The following TSHZ2 variants were observed in gnomAD, a reference collection of about 807,000 sequenced individuals.
TSHZ2 encodes the protein teashirt zinc finger homeobox 2, also known as teashirt homolog 2.
Under a neutral mutation model 74.4 loss-of-function variants are expected in TSHZ2, and 21 were observed. The ratio of observed to expected loss-of-function variants is 0.28; its 90% CI spans 0.20 to 0.41. TSHZ2 has a LOEUF of 0.41. Ranked by LOEUF, TSHZ2 falls within the 10% of genes least tolerant of loss-of-function variation. TSHZ2 has a pLI of 1.00. For synonymous variants in TSHZ2, 540 were observed against 515.3 expected, an observed-to-expected ratio of 1.05 and a Z score of -0.65; for missense variants, 1,244 against 1,293.5, an observed-to-expected ratio of 0.96 and a Z score of 0.59.
At chr20:53,269,918 C>G (rs769052311) in intron 2 of TSHZ2, among the ~76,000 whole-genome samples, 2 of 152,082 alleles carry the variant, frequency 1.3e-5, no homozygotes, top group African/African-American at 4.8e-5. Flanking sequence ...GTGAAAGGAA[C>G]CTCTTCTTTT....
In TSHZ2 at chr20:53,192,782, A is replaced by T. The variant is rs188749450; in HGVS notation, c.41-60717A>T. On this transcript the variant is annotated intron_variant, in intron 1 of 2. Transcript: ENST00000371497. The stretch of plus-strand genomic sequence containing the variant: ...AGAAAACCTGGGTCTTTCTCCTACA[A>T]CTTGAGCTCACATCTCCTGATTTTC... Among the ~76,000 whole-genome samples, 7 of 152,256 alleles carry T rather than the reference A, an allele frequency of 4.6e-5. 1 individual carries two copies. Among genetic ancestry groups the T allele is most frequent in the Admixed American group, 3.3e-4 (5 of 15,300 alleles).
At chr20:53,190,423 G>C (rs1318165417) in intron 1 of TSHZ2, among the ~76,000 whole-genome samples, 1 of 151,796 alleles carries the variant, frequency 6.6e-6, no homozygotes, top group Non-Finnish European at 1.5e-5. Flanking sequence ...CCCTCTAGTG[G>C]TTCTAATGAT....
chr20:53,265,884 C>A (rs1990705481), intron 2 of TSHZ2, among the ~76,000 whole-genome samples: 1 of 152,200 alleles, frequency 6.6e-6, no homozygotes, highest in African/African-American at 2.4e-5. Context: ...TTTTCCCTTC[C>A]TCCCTCCCTC....
chr20:53,350,510 A>G (rs1980607791), intron 2 of TSHZ2, among the ~76,000 whole-genome samples: 1 of 152,208 alleles, frequency 6.6e-6, no homozygotes, highest in Non-Finnish European at 1.5e-5. Flanking sequence ...CACATGTCAC[A>G]TGAGAGAATA....
intron 1 of TSHZ2, among the ~76,000 whole-genome samples, chr20:53,041,860 G>C (rs1449893657): frequency 6.6e-6 from 1 of 152,206 alleles, no homozygotes; most frequent in Non-Finnish European, 1.5e-5. Flanking sequence ...ACTGCCTAAA[G>C]CAGCCCTACT....
chr20:53,112,469 A>G (rs1986560407), intron 1 of TSHZ2, among the ~76,000 whole-genome samples: 2 of 152,022 alleles, frequency 1.3e-5, no homozygotes, highest in African/African-American at 4.8e-5. Context: ...CTTCCTTCCA[A>G]TTACTCTCAG....
At chr20:53,095,571 T>C (rs1457217393) in intron 1 of TSHZ2, among the ~76,000 whole-genome samples, 1 of 152,220 alleles carries the variant, frequency 6.6e-6, no homozygotes, top group Admixed American at 6.5e-5. Flanking sequence ...AATAAATTTC[T>C]GTTACATAAA....
chr20:53,017,413 G>A (rs1301290548), intron 1 of TSHZ2, among the ~76,000 whole-genome samples: 1 of 152,154 alleles, frequency 6.6e-6, no homozygotes, highest in Non-Finnish European at 1.5e-5. Flanking sequence ...TTCACAACAT[G>A]ATTTTACATA....
At chr20:53,127,044 AAAAG>A (rs753039068) in intron 1 of TSHZ2, among the ~76,000 whole-genome samples, 18 of 152,186 alleles carry the variant, frequency 1.2e-4, no homozygotes, top group Non-Finnish European at 1.5e-4. Flanking sequence ...GAGGAAGAGA[AAAAG>A]AAAGAGGGAG....
intron 1 of TSHZ2, among the ~76,000 whole-genome samples, chr20:52,997,826 A>G (rs1422282713): frequency 6.6e-6 from 1 of 152,202 alleles, no homozygotes; most frequent in Non-Finnish European, 1.5e-5. Context: ...CATAAAATCC[A>G]GAGGAATCCT....
At chr20:53,033,253 A>G (rs1349190947) in intron 1 of TSHZ2, among the ~76,000 whole-genome samples, 1 of 152,248 alleles carries the variant, frequency 6.6e-6, no homozygotes, top group South Asian at 2.1e-4. Context: ...AGTTACTAGT[A>G]TGTGGAACCG....
intron 1 of TSHZ2, among the ~76,000 whole-genome samples, chr20:53,139,505 A>G (rs1209670710): frequency 6.6e-6 from 1 of 152,212 alleles, no homozygotes; most frequent in African/African-American, 2.4e-5. Flanking sequence ...ACCAGCTGCC[A>G]GCCTGGAGTA....
chr20:53,440,398 A>C (rs1480895070), intron 2 of TSHZ2, among the ~76,000 whole-genome samples: 1 of 152,164 alleles, frequency 6.6e-6, no homozygotes, highest in Non-Finnish European at 1.5e-5. Context: ...TGGAATTGTC[A>C]CCCATTTCTG....
chr20:53,263,613 C>G (rs1990647920), intron 2 of TSHZ2, among the ~76,000 whole-genome samples: 1 of 152,096 alleles, frequency 6.6e-6, no homozygotes, highest in Non-Finnish European at 1.5e-5. Flanking sequence ...TGTTTTTGTT[C>G]TGAACACCCT....
chr20:53,050,130 TATATATATGTGTATATATATATACAC>T lies in TSHZ2; in HGVS notation c.40+76808_40+76833del, dbSNP rs1568736310. Among the ~76,000 whole-genome samples the T allele has an allele frequency of 1.5e-3, 131 of 88,058 alleles. 1 individual carries two copies. The highest frequency in any genetic ancestry group is 6.3e-3 in the South Asian group (15 of 2,368). 57.8% of individuals were successfully genotyped at this position (88,058 alleles called of 152,430 possible). A position where few individuals can be genotyped will look rare whatever the true frequency, so the allele number is the denominator to read the frequency against. ...ATATATATATATATATATATACACA[TATATATATGTGTATATATATATACAC>T]ATATATATGTACATATATACACATA... is the stretch of plus-strand genomic sequence containing the variant. On this transcript the variant is annotated intron_variant, in intron 1 of 2. Transcript: ENST00000371497.
At chr20:53,233,861 A>G (rs929703911) in intron 1 of TSHZ2, among the ~76,000 whole-genome samples, 1 of 152,216 alleles carries the variant, frequency 6.6e-6, no homozygotes, top group East Asian at 1.9e-4. Flanking sequence ...TCATAGGACC[A>G]GAGACATGGA....
chr20:53,223,786 G>A (rs1342708734), intron 1 of TSHZ2, among the ~76,000 whole-genome samples: 3 of 152,118 alleles, frequency 2.0e-5, no homozygotes, highest in African/African-American at 7.2e-5. Flanking sequence ...GGAGGTAGCT[G>A]TGGCCATAAA....
chr20:53,376,998 C>A (rs1315797720), intron 2 of TSHZ2, among the ~76,000 whole-genome samples: 1 of 152,222 alleles, frequency 6.6e-6, no homozygotes, highest in African/African-American at 2.4e-5. Context: ...GTGGCCATCT[C>A]TCTTCTTCTA....
chr20:53,185,400 C>G (rs1025955467), intron 1 of TSHZ2: 2 of 1,252,806 alleles, frequency 1.6e-6, no homozygotes, highest in Middle Eastern at 3.2e-4. Context: ...GGTGGCCAGG[C>G]GAGGTGGTTC....
Sources: allele counts gnomAD v4.1 joint callset (sites outside exome capture counted in the v4.1 genomes callset), GRCh38; gene constraint gnomAD v4.1.1; transcripts MANE v1.5; gene names NCBI Gene and HGNC (gene_info 2026-07-23, HGNC 2026-07-21).